CYP7B1: variants seen among roughly 807,000 people sequenced by gnomAD.
CYP7B1 encodes the protein cytochrome P450 7B1.
CYP7B1 carries 29 observed loss-of-function variants against 42.7 expected under a neutral mutation model. That is an observed-to-expected ratio of 0.68 (90% CI 0.51 to 0.93). CYP7B1 has a LOEUF of 0.93. CYP7B1 is among the 40% of genes least tolerant of loss of function. The pLI, the probability that CYP7B1 is intolerant of heterozygous loss-of-function variation, is 0.00. For synonymous variants in CYP7B1, 235 were observed against 218.2 expected, an observed-to-expected ratio of 1.08 and a Z score of -0.68; for missense variants, 655 against 600.5, an observed-to-expected ratio of 1.09 and a Z score of -0.95.
At chr8:64,654,833 A>G (rs973947398) in intron 1 of CYP7B1, among the ~76,000 whole-genome samples, 2 of 152,180 alleles carry the variant, frequency 1.3e-5, no homozygotes, top group Non-Finnish European at 2.9e-5. Flanking sequence ...CACATAGACC[A>G]ATGGGACAGA....
At chr8:64,608,137 T>G (rs1220351137) in intron 4 of CYP7B1, among the ~76,000 whole-genome samples, 2 of 152,246 alleles carry the variant, frequency 1.3e-5, no homozygotes, top group Non-Finnish European at 2.9e-5. Flanking sequence ...AAGTATCCCT[T>G]CTAAGTGAAA....
chr8:64,772,165 T>C (rs939428247), intron 1 of CYP7B1, among the ~76,000 whole-genome samples: 3 of 152,222 alleles, frequency 2.0e-5, no homozygotes, highest in African/African-American at 7.2e-5. Context: ...TACTATCTTT[T>C]TCTATGAAGG....
chr8:64,732,460 T>C (rs1322504786), intron 1 of CYP7B1, among the ~76,000 whole-genome samples: 1 of 152,174 alleles, frequency 6.6e-6, no homozygotes, highest in African/African-American at 2.4e-5. Flanking sequence ...TGTACCCCCA[T>C]TGTATCTAGG....
At chr8:64,598,413 T>C (rs2129629792) in intron 5 of CYP7B1, among the ~76,000 whole-genome samples, 1 of 152,322 alleles carries the variant, frequency 6.6e-6, no homozygotes, top group South Asian at 2.1e-4. Context: ...TTAGTCCTGC[T>C]GCTTCCTCCT....
intron 1 of CYP7B1, among the ~76,000 whole-genome samples, chr8:64,765,315 C>T (rs1005477972): frequency 8.5e-5 from 13 of 152,150 alleles, no homozygotes; most frequent in South Asian, 4.1e-4. Context: ...AAAGGAAGTT[C>T]ACATTGGAAA....
At chr8:64,692,137 C>T (rs776368096) in intron 1 of CYP7B1, among the ~76,000 whole-genome samples, 6 of 152,208 alleles carry the variant, frequency 3.9e-5, no homozygotes, top group Non-Finnish European at 8.8e-5. Flanking sequence ...TATCCACTGT[C>T]GATTGCTCTG....
chr8:64,762,236 G>A (rs1244692090), intron 1 of CYP7B1, among the ~76,000 whole-genome samples: 2 of 152,062 alleles, frequency 1.3e-5, no homozygotes, highest in African/African-American at 2.4e-5. Flanking sequence ...AGCTACATAA[G>A]TCTTATCTAA....
chr8:64,643,795 C>T (rs1445699981), intron 1 of CYP7B1, among the ~76,000 whole-genome samples: 1 of 152,126 alleles, frequency 6.6e-6, no homozygotes, highest in African/African-American at 2.4e-5. Flanking sequence ...GGAGTAGATT[C>T]CATCCCAAGA....
intron 4 of CYP7B1, among the ~76,000 whole-genome samples, chr8:64,610,557 T>TCATAAGGGA (rs1805349011): frequency 6.6e-6 from 1 of 152,188 alleles, no homozygotes; most frequent in African/African-American, 2.4e-5. Flanking sequence ...CGTAAAACGT[T>TCATAAGGGA]CATAAGGGAA....
intron 1 of CYP7B1, among the ~76,000 whole-genome samples, chr8:64,692,389 T>C (rs1303145183): frequency 6.6e-6 from 1 of 152,192 alleles, no homozygotes; most frequent in African/African-American, 2.4e-5. Flanking sequence ...CTCCAAGCTG[T>C]TGAAGCAGAC....
At chr8:64,651,667 C>T (rs894189230) in intron 1 of CYP7B1, among the ~76,000 whole-genome samples, 1 of 152,174 alleles carries the variant, frequency 6.6e-6, no homozygotes, top group African/African-American at 2.4e-5. Context: ...GGAATTATTG[C>T]TCTTATAAAA....
chr8:64,725,943 G>A (rs573520797), intron 1 of CYP7B1, among the ~76,000 whole-genome samples: 6 of 152,168 alleles, frequency 3.9e-5, no homozygotes, highest in Admixed American at 6.5e-5. Flanking sequence ...ACAACAATCC[G>A]CTGTCGTGTG....
intron 1 of CYP7B1, among the ~76,000 whole-genome samples, chr8:64,707,273 C>A (rs374316106): frequency 6.6e-6 from 1 of 152,072 alleles, no homozygotes; most frequent in Admixed American, 6.6e-5. Context: ...AGTCTAATAT[C>A]TATTTCAACA....
At chr8:64,653,134 A>C (rs1357028668) in intron 1 of CYP7B1, among the ~76,000 whole-genome samples, 4 of 152,206 alleles carry the variant, frequency 2.6e-5, no homozygotes, top group Admixed American at 6.5e-5. Flanking sequence ...GCAGAAGCCA[A>C]GAAATAACCA....
At chr8:64,687,466 G>A (rs1806673261) in intron 1 of CYP7B1, among the ~76,000 whole-genome samples, 1 of 152,132 alleles carries the variant, frequency 6.6e-6, no homozygotes, top group Non-Finnish European at 1.5e-5. Context: ...CTGGGGTGAT[G>A]AAAATGTTCT....
intron 1 of CYP7B1, among the ~76,000 whole-genome samples, chr8:64,670,664 T>C (rs1246299587): frequency 6.6e-6 from 1 of 152,194 alleles, no homozygotes; most frequent in Non-Finnish European, 1.5e-5. Context: ...TCATTGTCAT[T>C]GTCACCTGCA....
intron 1 of CYP7B1, among the ~76,000 whole-genome samples, chr8:64,645,085 T>G (rs1390616841): frequency 6.6e-6 from 1 of 151,722 alleles, no homozygotes; most frequent in Non-Finnish European, 1.5e-5. Flanking sequence ...ACAAAGGACA[T>G]GAACTCATCA....
At chr8:64,608,486 A>G (rs567665333) in intron 4 of CYP7B1, among the ~76,000 whole-genome samples, 1 of 152,350 alleles carries the variant, frequency 6.6e-6, no homozygotes, top group East Asian at 1.9e-4. Flanking sequence ...CTGGCATGCC[A>G]TTTGATTAGC....
intron 1 of CYP7B1, among the ~76,000 whole-genome samples, chr8:64,698,336 G>C (rs1295635903): frequency 6.6e-6 from 1 of 151,988 alleles, no homozygotes; most frequent in African/African-American, 2.4e-5. Context: ...AGCAGCAGGG[G>C]GGGGAAAAAA....
Sources: allele counts gnomAD v4.1 joint callset (sites outside exome capture counted in the v4.1 genomes callset), GRCh38; gene constraint gnomAD v4.1.1; transcripts MANE v1.5; gene names NCBI Gene and HGNC (gene_info 2026-07-23, HGNC 2026-07-21).